The following VKORC1L1 variants were observed in gnomAD, a reference collection of about 807,000 sequenced individuals.
VKORC1L1 encodes the protein vitamin K epoxide reductase complex subunit 1L1, also known as vitamin K epoxide reductase complex subunit 1-like protein 1.
Under a neutral mutation model 18.9 loss-of-function variants are expected in VKORC1L1, and 2 were observed. The observed-to-expected ratio is 0.11, with a 90% CI of 0.04 to 0.33. VKORC1L1 has a LOEUF of 0.33. VKORC1L1 is among the 10% of genes least tolerant of loss of function. The pLI, the probability that VKORC1L1 is intolerant of heterozygous loss-of-function variation, is 1.00. For missense variants in VKORC1L1, 123 were observed against 224.1 expected (o/e 0.55, Z 2.88); for synonymous variants, 96 against 100.0 (o/e 0.96, Z 0.24).
chr7:65,914,359 C>T (rs1789552726), intron 1 of VKORC1L1, among the ~76,000 whole-genome samples: 1 of 152,214 alleles, frequency 6.6e-6, no homozygotes, highest in African/African-American at 2.4e-5. Flanking sequence ...GCCTTGGCCT[C>T]CCAAAGTGCT....
chr7:65,905,009 GTATGTA>G (rs1200238167), intron 1 of VKORC1L1, among the ~76,000 whole-genome samples: 1 of 151,760 alleles, frequency 6.6e-6, no homozygotes, highest in Admixed American at 6.6e-5. Flanking sequence ...ACACATGCCT[GTATGTA>G]TATGTATATG....
chr7:65,895,014 T>A (rs1789168380), intron 1 of VKORC1L1, among the ~76,000 whole-genome samples: 1 of 152,260 alleles, frequency 6.6e-6, no homozygotes, highest in Non-Finnish European at 1.5e-5. Context: ...TTGAACAGGA[T>A]AGCTCTCACA....
chr7:65,873,800 A>G (rs1788775350), intron 1 of VKORC1L1, among the ~76,000 whole-genome samples: 1 of 145,968 alleles, frequency 6.9e-6, no homozygotes, highest in African/African-American at 2.6e-5. Context: ...GCAGCCGGGG[A>G]GGGATGAGGT....
rs58269522 is a variant in VKORC1L1, at chr7:65,900,042, C to CGTGTGTGTGT, written c.194+26514_194+26523dup. On this transcript the variant is annotated intron_variant, in intron 1 of 2. Transcript: ENST00000360768. ...TTGTGCGTGTGTGCATGTGCACGCACGTGTGTGTGTGTGTGTGTGTGTGTG... is the reference window on the plus strand; with the variant it reads ...TTGTGCGTGTGTGCATGTGCACGCACGTGTGTGTGTGTGTGTGTGTGTGTGTGTGTGTGTG... Among the ~76,000 whole-genome samples the CGTGTGTGTGT allele has an allele frequency of 4.6e-4, 65 of 140,976 alleles. 1 individual carries two copies. The highest frequency in any genetic ancestry group is 1.9e-3 in the Admixed American group (26 of 14,002). 92.5% of individuals were successfully genotyped at this position (140,976 alleles called of 152,430 possible). A position where few individuals can be genotyped will look rare whatever the true frequency, so the allele number is the denominator to read the frequency against.
At chr7:65,933,944 C>G (rs1789899085) in intron 1 of VKORC1L1, among the ~76,000 whole-genome samples, 1 of 152,198 alleles carries the variant, frequency 6.6e-6, no homozygotes, top group African/African-American at 2.4e-5. Flanking sequence ...ATAAAGATTC[C>G]TTAATCCTCC....
chr7:65,878,396 G>A (rs571979767), intron 1 of VKORC1L1, among the ~76,000 whole-genome samples: 13 of 152,018 alleles, frequency 8.6e-5, no homozygotes, highest in Admixed American at 4.6e-4. Context: ...GCAGTAAGCC[G>A]AGATTGTGCC....
At chr7:65,869,640 C>CTTT (rs1226951533), upstream of VKORC1L1, among the ~76,000 whole-genome samples, 22 of 77,292 alleles carry the variant, frequency 2.8e-4, no homozygotes, top group South Asian at 3.5e-3. Flanking sequence ...CGATTTCATT[C>CTTT]TTTTTTTTTT....
intron 1 of VKORC1L1, among the ~76,000 whole-genome samples, chr7:65,932,553 T>G (rs1170141846): frequency 1.3e-5 from 2 of 152,256 alleles, no homozygotes; most frequent in Non-Finnish European, 1.5e-5. Flanking sequence ...CAGTTCAAAA[T>G]TTGTTATTTC....
intron 1 of VKORC1L1, among the ~76,000 whole-genome samples, chr7:65,898,043 T>G (rs1289695759): frequency 6.8e-6 from 1 of 146,610 alleles, no homozygotes; most frequent in East Asian, 2.1e-4. Flanking sequence ...ACTGGTAAAA[T>G]AATTGATACA....
intron 1 of VKORC1L1, among the ~76,000 whole-genome samples, chr7:65,912,698 A>G (rs901109542): frequency 6.6e-6 from 1 of 152,190 alleles, no homozygotes; most frequent in African/African-American, 2.4e-5. Flanking sequence ...TGCTTCTCAC[A>G]TTGTGATGAG....
chr7:65,891,318 T>C (rs1789108071), intron 1 of VKORC1L1, among the ~76,000 whole-genome samples: 1 of 152,150 alleles, frequency 6.6e-6, no homozygotes, highest in Non-Finnish European at 1.5e-5. Flanking sequence ...TTCTGGGTCA[T>C]GGGATAGGTG....
chr7:65,933,096 A>G (rs1223536642), intron 1 of VKORC1L1, among the ~76,000 whole-genome samples: 3 of 150,930 alleles, frequency 2.0e-5, no homozygotes, highest in African/African-American at 7.3e-5. Context: ...AAAAAAAAAA[A>G]AAAAGTGTGT....
At chr7:65,874,037 G>C (rs958712197) in intron 1 of VKORC1L1, among the ~76,000 whole-genome samples, 1 of 152,216 alleles carries the variant, frequency 6.6e-6, no homozygotes, top group Non-Finnish European at 1.5e-5. Context: ...TTTGGGGCCG[G>C]CGCGGAGACA....
chr7:65,871,098 G>A (rs1163050967), upstream of VKORC1L1, among the ~76,000 whole-genome samples: 2 of 152,222 alleles, frequency 1.3e-5, no homozygotes, highest in Admixed American at 1.3e-4. Context: ...TTTGAGGACT[G>A]TGGTAGATAG....
rs1790318411 is a variant in VKORC1L1 at position 65,957,547 on chromosome 7, T to C, written c.*3247T>C. On this transcript the variant is annotated 3_prime_UTR_variant, in exon 3 of 3. Coordinates refer to ENST00000360768, the MANE Select transcript of VKORC1L1 (RefSeq NM_173517.6). ...AGACTACAGTGAAATTAAAACTGTT[T>C]GCTGGCTGGGCATGGTGGCTCACAC... 6.9e-6 allele frequency: 1 copy of C among 144,202 alleles called. No individual in the cohort carries two copies. The highest frequency in any genetic ancestry group is 1.5e-5 in the Non-Finnish European group (1 of 65,978). 8.9% of individuals were successfully genotyped at this position (144,202 alleles called of 1,614,324 possible).
chr7:65,907,719 G>C (rs997198741), intron 1 of VKORC1L1, among the ~76,000 whole-genome samples: 1 of 152,158 alleles, frequency 6.6e-6, no homozygotes, highest in African/African-American at 2.4e-5. Flanking sequence ...GTAGGCTAAT[G>C]ATCTACAGAT....
At chr7:65,893,829 A>G (rs774188202) in intron 1 of VKORC1L1, among the ~76,000 whole-genome samples, 2 of 152,228 alleles carry the variant, frequency 1.3e-5, no homozygotes, top group Admixed American at 6.5e-5. Context: ...TGGATAATAA[A>G]TCTTGGTTAT....
intron 1 of VKORC1L1, among the ~76,000 whole-genome samples, chr7:65,916,115 T>TAAA (rs35219358): frequency 7.9e-6 from 1 of 126,630 alleles, no homozygotes; most frequent in African/African-American, 3.0e-5. Context: ...TGTCTAAAAT[T>TAAA]AAAAAAAAAA....
At chr7:65,884,846 A>T (rs1383212428) in intron 1 of VKORC1L1, among the ~76,000 whole-genome samples, 2 of 152,170 alleles carry the variant, frequency 1.3e-5, no homozygotes, top group Non-Finnish European at 2.9e-5. Context: ...CATTTAAAAA[A>T]TTTATTTTTT....
Sources: allele counts gnomAD v4.1 joint callset (sites outside exome capture counted in the v4.1 genomes callset), GRCh38; gene constraint gnomAD v4.1.1; transcripts MANE v1.5; gene names NCBI Gene and HGNC (gene_info 2026-07-23, HGNC 2026-07-21).